The following ROBO2 variants were observed in gnomAD, a reference collection of about 807,000 sequenced individuals.
The protein encoded by ROBO2 is roundabout guidance receptor 2.
In ROBO2, 53 loss-of-function variants were observed where a neutral mutation model predicts 160.8. The ratio of observed to expected loss-of-function variants is 0.33; its 90% CI spans 0.26 to 0.41. The LOEUF (loss-of-function observed/expected upper bound fraction) is 0.41. Ranked by LOEUF, ROBO2 falls within the 10% of genes least tolerant of loss-of-function variation. The pLI is 1.00. For missense variants in ROBO2, 1,577 were observed against 1,722.4 expected (o/e 0.92, Z 1.49); for synonymous variants, 664 against 611.7 (o/e 1.09, Z -1.26).
intron 2 of ROBO2, among the ~76,000 whole-genome samples, chr3:76,468,453 C>T (rs2078475829): frequency 6.6e-6 from 1 of 152,018 alleles, no homozygotes; most frequent in Non-Finnish European, 1.5e-5. Context: ...GATACAATAA[C>T]AACAAGATTT....
intron 2 of ROBO2, among the ~76,000 whole-genome samples, chr3:76,070,048 G>C (rs555429093): frequency 9.2e-5 from 14 of 152,128 alleles, no homozygotes; most frequent in Non-Finnish European, 1.8e-4. Flanking sequence ...GAGGATGTAT[G>C]TCGCCTCAGG....
intron 2 of ROBO2, among the ~76,000 whole-genome samples, chr3:76,336,516 A>G (rs546483521): frequency 6.6e-6 from 1 of 152,346 alleles, no homozygotes; most frequent in East Asian, 1.9e-4. Context: ...ACTAAATTTG[A>G]GGCATGATTA....
intron 2 of ROBO2, among the ~76,000 whole-genome samples, chr3:76,381,015 A>G (rs1381954331): frequency 6.6e-6 from 1 of 150,850 alleles, no homozygotes; most frequent in African/African-American, 2.5e-5. Context: ...GAAAGCATTT[A>G]CAGCTTACGT....
At chr3:76,448,203 T>A (rs1240707076) in intron 2 of ROBO2, among the ~76,000 whole-genome samples, 2 of 152,076 alleles carry the variant, frequency 1.3e-5, no homozygotes, top group Non-Finnish European at 2.9e-5. Context: ...TGCAGAAAAT[T>A]CTCTTGTGCA....
chr3:76,506,392 C>T (rs1017766049), intron 2 of ROBO2, among the ~76,000 whole-genome samples: 2 of 152,070 alleles, frequency 1.3e-5, no homozygotes, highest in African/African-American at 2.4e-5. Flanking sequence ...ACCAATGTTC[C>T]AGCTACACTA....
intron 2 of ROBO2, among the ~76,000 whole-genome samples, chr3:76,304,421 C>G (rs1365313110): frequency 6.6e-6 from 1 of 152,142 alleles, no homozygotes; most frequent in African/African-American, 2.4e-5. Context: ...ATTAATGAAA[C>G]TACATATGTA....
chr3:77,602,396 A>G (rs1385561271), exon 20 of ROBO2: 1 of 1,614,042 alleles, frequency 6.2e-7, no homozygotes, highest in Non-Finnish European at 8.5e-7. Flanking sequence ...TTGGCTGTCG[A>G]TCTGCCTGAT....
At chr3:77,439,333 C>G (rs1259492910) in intron 2 of ROBO2, among the ~76,000 whole-genome samples, 1 of 151,874 alleles carries the variant, frequency 6.6e-6, no homozygotes, top group Non-Finnish European at 1.5e-5. Flanking sequence ...ACATGATGAT[C>G]AAGGAAATAT....
chr3:76,299,620 A>C (rs1032208211), intron 2 of ROBO2, among the ~76,000 whole-genome samples: 1 of 152,270 alleles, frequency 6.6e-6, no homozygotes, highest in Non-Finnish European at 1.5e-5. Flanking sequence ...TGAAAAGACT[A>C]TTGTGTCCAC....
chr3:77,042,369 G>T (rs563758539), intron 1 of ROBO2, among the ~76,000 whole-genome samples: 1 of 152,286 alleles, frequency 6.6e-6, no homozygotes, highest in East Asian at 1.9e-4. Flanking sequence ...ATGATAAGAA[G>T]AATTTGGTAT....
intron 2 of ROBO2, among the ~76,000 whole-genome samples, chr3:76,784,175 C>T (rs1008078300): frequency 6.6e-6 from 1 of 151,144 alleles, no homozygotes; most frequent in Non-Finnish European, 1.5e-5. Flanking sequence ...CTTGATGATT[C>T]ATGTTCCTTG....
intron 6 of ROBO2, among the ~76,000 whole-genome samples, chr3:77,525,602 C>T (rs547061861): frequency 2.4e-4 from 37 of 151,156 alleles, no homozygotes; most frequent in Non-Finnish European, 5.0e-4. Flanking sequence ...ACAACACAAA[C>T]TGCGTATTTG....
intron 2 of ROBO2, among the ~76,000 whole-genome samples, chr3:77,341,846 C>A (rs919213588): frequency 6.6e-6 from 1 of 151,228 alleles, no homozygotes; most frequent in African/African-American, 2.4e-5. Context: ...AAAAAAAAAA[C>A]TTTAAAAATA....
chr3:76,325,904 T>A (rs1326156390), intron 2 of ROBO2, among the ~76,000 whole-genome samples: 1 of 151,176 alleles, frequency 6.6e-6, no homozygotes, highest in Non-Finnish European at 1.5e-5. Context: ...TTATCATTGA[T>A]CAGAGAATTA....
intron 1 of ROBO2, among the ~76,000 whole-genome samples, chr3:77,068,180 C>A (rs966917903): frequency 1.3e-5 from 2 of 152,036 alleles, no homozygotes; most frequent in African/African-American, 2.4e-5. Context: ...TTGAGTGCTA[C>A]TTTTCTCTCA....
chr3:76,102,824 C>A (rs1364618332), intron 2 of ROBO2, among the ~76,000 whole-genome samples: 5 of 141,630 alleles, frequency 3.5e-5, no homozygotes, highest in Non-Finnish European at 6.0e-5. Context: ...TACAAAGAGA[C>A]CTGACTTTTT....
chr3:77,182,473 G>A (rs917995360), intron 2 of ROBO2, among the ~76,000 whole-genome samples: 2 of 152,024 alleles, frequency 1.3e-5, no homozygotes, highest in African/African-American at 4.8e-5. Context: ...CTGAAGGAGG[G>A]AGCAATTAAT....
chr3:76,556,689 A>G (rs1009335914), intron 2 of ROBO2, among the ~76,000 whole-genome samples: 2 of 152,178 alleles, frequency 1.3e-5, no homozygotes, highest in Non-Finnish European at 1.5e-5. Context: ...CTTAGTTATC[A>G]AAAGAAATTA....
At chr3:76,472,096 TGTGTGCGC>T (rs758486670) in intron 2 of ROBO2, among the ~76,000 whole-genome samples, 4 of 116,908 alleles carry the variant, frequency 3.4e-5, no homozygotes, top group Non-Finnish European at 5.9e-5. Flanking sequence ...TGTGTGTGTG[TGTGTGCGC>T]GTGTGCGTGC....
Sources: gnomAD v4.1 joint callset for allele counts (sites outside exome capture counted in the v4.1 genomes callset) on GRCh38, gnomAD v4.1.1 for gene constraint, MANE v1.5 for transcripts, NCBI Gene and HGNC (gene_info 2026-07-23, HGNC 2026-07-21) for gene names.